Variants in NPLOC4 observed in about 807,000 individuals in gnomAD.
NPLOC4 encodes the protein nuclear protein localization protein 4 homolog.
In NPLOC4, 18 loss-of-function variants were observed where a neutral mutation model predicts 80.6. The ratio of observed to expected loss-of-function variants is 0.22; its 90% CI spans 0.15 to 0.33. The LOEUF (loss-of-function observed/expected upper bound fraction) is 0.33, where lower values mean the gene tolerates loss of function less well. Ranked by LOEUF, NPLOC4 falls within the 10% of genes least tolerant of loss-of-function variation. The pLI, the probability that NPLOC4 is intolerant of heterozygous loss-of-function variation, is 1.00. For missense variants in NPLOC4, 540 were observed against 786.1 expected (o/e 0.69, Z 3.74); for synonymous variants, 313 against 301.5 (o/e 1.04, Z -0.39).
At chr17:81,608,661 A>G (rs1237913843) in intron 6 of NPLOC4, 67 bp downstream of exon 6, 1 of 1,182,592 alleles carries the variant, frequency 8.5e-7, no homozygotes, top group African/African-American at 1.5e-5. Context: ...TTCACTGGCT[A>G]TAAGCAACAA....
intron 8 of NPLOC4, among the ~76,000 whole-genome samples, chr17:81,604,324 T>C (rs1179810281): frequency 6.6e-6 from 1 of 152,136 alleles, no homozygotes; most frequent in Non-Finnish European, 1.5e-5. Flanking sequence ...GTGGCAAATG[T>C]ACCGGTTGTG....
At chr17:81,565,045 G>A (rs960805406) in intron 16 of NPLOC4, 18 of 484,464 alleles carry the variant, frequency 3.7e-5, no homozygotes, top group Admixed American at 1.5e-4. Flanking sequence ...CGGAAGACAC[G>A]CAATGCCTGC....
chr17:81,617,514 A>G (rs1049333182), intron 3 of NPLOC4, among the ~76,000 whole-genome samples: 3 of 152,308 alleles, frequency 2.0e-5, no homozygotes, highest in Non-Finnish European at 4.4e-5. Flanking sequence ...AGTCTACTTA[A>G]AAATACAAAA....
intron 8 of NPLOC4, among the ~76,000 whole-genome samples, chr17:81,602,707 TAA>T (rs112330164): frequency 0.018 from 2,255 of 127,548 alleles, 29 homozygotes; most frequent in African/African-American, 0.029. Context: ...GTCTCAAAAT[TAA>T]AAAAAAAAAA....
intron 8 of NPLOC4, among the ~76,000 whole-genome samples, chr17:81,602,986 C>CAAAT (rs2035105409): frequency 4.1e-5 from 3 of 72,826 alleles, no homozygotes. Flanking sequence ...CAAATACACA[C>CAAAT]ACACACACAC....
chr17:81,605,775 C>T (rs1171248825), intron 7 of NPLOC4, among the ~76,000 whole-genome samples: 1 of 151,586 alleles, frequency 6.6e-6, no homozygotes, highest in Non-Finnish European at 1.5e-5. Flanking sequence ...GTGATTTAAC[C>T]TAAAATACAG....
chr17:81,619,070 A>AGGCC (rs1345173537), intron 3 of NPLOC4, among the ~76,000 whole-genome samples: 1 of 152,146 alleles, frequency 6.6e-6, no homozygotes, highest in Non-Finnish European at 1.5e-5. Flanking sequence ...ACACTGCGGA[A>AGGCC]GGCCGCAGGG....
intron 12 of NPLOC4, among the ~76,000 whole-genome samples, chr17:81,575,415 T>C (rs1485162654): frequency 6.6e-6 from 1 of 152,172 alleles, no homozygotes; most frequent in African/African-American, 2.4e-5. Flanking sequence ...CTTGGTTTCT[T>C]AAAAGCACCA....
At chr17:81,636,166 T>G (rs1357515135) in intron 1 of NPLOC4, among the ~76,000 whole-genome samples, 1 of 152,094 alleles carries the variant, frequency 6.6e-6, no homozygotes, top group African/African-American at 2.4e-5. Flanking sequence ...AGACAAGATT[T>G]TGCCATGTTG....
At chr17:81,620,912 A>G (rs2035645806) in intron 3 of NPLOC4, among the ~76,000 whole-genome samples, 1 of 151,948 alleles carries the variant, frequency 6.6e-6, no homozygotes, top group East Asian at 1.9e-4. Context: ...AGTCCCAGCT[A>G]CTCGGGAGGC....
intron 11 of NPLOC4, among the ~76,000 whole-genome samples, chr17:81,590,581 T>C (rs956483543): frequency 2.6e-5 from 4 of 152,130 alleles, no homozygotes; most frequent in Non-Finnish European, 5.9e-5. Flanking sequence ...CCTGGCCCCA[T>C]GTGATCCTCC....
At chr17:81,585,048 T>C (rs2034535902) in intron 12 of NPLOC4, among the ~76,000 whole-genome samples, 1 of 151,666 alleles carries the variant, frequency 6.6e-6, no homozygotes, top group Non-Finnish European at 1.5e-5. Context: ...CGTGCGCCTG[T>C]AGTCCTGGCT....
chr17:81,629,718 C>G lies in NPLOC4; in HGVS notation c.96+7G>C. ...ATCCTGAGGGTCAATACCCAGGCCA[C>G]AGATACCTTTTTCAAAAATGTTGCT... On this transcript the variant is annotated splice_region_variant and intron_variant, in intron 2 of 16. Transcript: ENST00000331134. 6.2e-7 allele frequency: 1 copy of G among 1,607,320 alleles called. No homozygotes were observed. Among genetic ancestry groups the G allele is most frequent in the Non-Finnish European group, 8.5e-7 (1 of 1,173,882 alleles).
At chr17:81,620,276 T>A (rs968050072) in intron 3 of NPLOC4, among the ~76,000 whole-genome samples, 3 of 151,996 alleles carry the variant, frequency 2.0e-5, no homozygotes, top group African/African-American at 7.3e-5. Flanking sequence ...GGCGGGTGGA[T>A]CACGAGGTCA....
intron 15 of NPLOC4, chr17:81,566,439 G>A (rs1412889477): frequency 6.6e-6 from 1 of 152,252 alleles, no homozygotes; most frequent in African/African-American, 2.4e-5. Flanking sequence ...CAGTATACTA[G>A]CAAGGTGGCT....
intron 11 of NPLOC4, among the ~76,000 whole-genome samples, chr17:81,591,690 C>A (rs895926183): frequency 2.0e-5 from 3 of 152,150 alleles, no homozygotes; most frequent in African/African-American, 7.2e-5. Context: ...ACATACATGT[C>A]CTGATGGGTT....
chr17:81,572,698 G>A lies in NPLOC4; in HGVS notation c.1282-610C>T, dbSNP rs889863851. Among the ~76,000 whole-genome samples the A allele has an allele frequency of 6.6e-6, 1 of 152,184 alleles. No homozygotes were observed. Among genetic ancestry groups the A allele is most frequent in the Non-Finnish European group, 1.5e-5 (1 of 68,034 alleles). On this transcript the variant is annotated intron_variant, in intron 12 of 16. Transcript: ENST00000331134. The surrounding 1 kb of genome is among the most constrained non-coding windows in gnomAD (Gnocchi z 4.5). ...CCTCTCCACCCATGGCGCTTGGCCT[G>A]GCACTCAGGCGCGATCTGCGACAGG...
intron 12 of NPLOC4, among the ~76,000 whole-genome samples, chr17:81,582,870 G>A (rs2034480470): frequency 1.3e-5 from 2 of 152,262 alleles, no homozygotes; most frequent in Admixed American, 6.5e-5. Context: ...AAGCTCCACA[G>A]CTGCAGGCTC....
intron 8 of NPLOC4, among the ~76,000 whole-genome samples, chr17:81,602,487 G>C (rs141335897): frequency 0.014 from 2,076 of 151,926 alleles, 53 homozygotes; most frequent in African/African-American, 0.047. Context: ...GGTGGATCAC[G>C]AGGTCAGGAG....
Sources: gnomAD v4.1 joint callset for allele counts (sites outside exome capture counted in the v4.1 genomes callset) on GRCh38, gnomAD v4.1.1 for gene constraint, Gnocchi (gnomAD v3.1) non-coding constraint, MANE v1.5 for transcripts, NCBI Gene and HGNC (gene_info 2026-07-23, HGNC 2026-07-21) for gene names.